The following RSPO3 variants were observed in gnomAD, a reference collection of about 807,000 sequenced individuals.
RSPO3 encodes R-spondin 3, also known as R-spondin-3.
In RSPO3, 17 loss-of-function variants were observed where a neutral mutation model predicts 36.5. That is an observed-to-expected ratio of 0.47 (90% CI 0.32 to 0.70). The LOEUF (loss-of-function observed/expected upper bound fraction) is 0.70. Ranked by LOEUF, RSPO3 falls within the 30% of genes least tolerant of loss-of-function variation. The pLI, the probability that RSPO3 is intolerant of heterozygous loss-of-function variation, is 0.04. For synonymous variants in RSPO3, 108 were observed against 107.0 expected, an observed-to-expected ratio of 1.01 and a Z score of -0.06; for missense variants, 294 against 322.5, an observed-to-expected ratio of 0.91 and a Z score of 0.68.
At chr6:127,170,161 T>C (rs1774907229) in intron 4 of RSPO3, among the ~76,000 whole-genome samples, 1 of 151,790 alleles carries the variant, frequency 6.6e-6, no homozygotes, top group African/African-American at 2.4e-5. Context: ...TGGGTCTTGC[T>C]TTCCTCCTGG....
intron 1 of RSPO3, among the ~76,000 whole-genome samples, chr6:127,138,405 C>T (rs1774204770): frequency 6.6e-6 from 1 of 152,102 alleles, no homozygotes; most frequent in African/African-American, 2.4e-5. Context: ...CACTCTATGA[C>T]TGTTAGTGAG....
intron 4 of RSPO3, among the ~76,000 whole-genome samples, chr6:127,165,398 G>C (rs1449186093): frequency 6.6e-6 from 1 of 151,970 alleles, no homozygotes; most frequent in East Asian, 1.9e-4. Context: ...CTGTTTTCCA[G>C]CCAACAGCAA....
chr6:127,139,531 TA>T lies in RSPO3; in HGVS notation c.98-9109del, dbSNP rs892501296. 2.8e-3 allele frequency among the ~76,000 whole-genome samples: 383 copies of T among 137,718 alleles called. 1 individual carries two copies. The highest frequency in any genetic ancestry group is 9.1e-3 in the African/African-American group (334 of 36,884). The allele number at this position is 137,718 out of a possible 152,430, so 90.3% of individuals were successfully genotyped here. ...GTTGATTTCTAATTATTTCTAACCT[TA>T]AAAAAAATATATCTTTTTTTTAAGG... On this transcript the variant is annotated intron_variant, in intron 1 of 4. Transcript: ENST00000356698.
At chr6:127,171,050 T>TAA (rs1774924594) in intron 4 of RSPO3, among the ~76,000 whole-genome samples, 1 of 151,646 alleles carries the variant, frequency 6.6e-6, no homozygotes, top group South Asian at 2.1e-4. Flanking sequence ...TACCCCAATT[T>TAA]AAAATAAAAT....
chr6:127,149,262 T>C (rs1172597877), intron 2 of RSPO3, among the ~76,000 whole-genome samples: 2 of 152,132 alleles, frequency 1.3e-5, no homozygotes, highest in Admixed American at 6.6e-5. Context: ...TTGGGAGTAC[T>C]GTCATCTGGA....
chr6:127,133,559 G>A (rs1337690767), intron 1 of RSPO3, among the ~76,000 whole-genome samples: 2 of 152,092 alleles, frequency 1.3e-5, no homozygotes, highest in African/African-American at 4.8e-5. Context: ...TCCTCCAACA[G>A]TAAGATCAAT....
intron 1 of RSPO3, among the ~76,000 whole-genome samples, chr6:127,139,366 C>A (rs527725771): frequency 2.0e-5 from 3 of 152,186 alleles, no homozygotes; most frequent in African/African-American, 7.2e-5. Context: ...GCACAAATAT[C>A]CAAGTTTATT....
intron 4 of RSPO3, among the ~76,000 whole-genome samples, chr6:127,159,937 C>T (rs1183258520): frequency 6.6e-6 from 1 of 152,054 alleles, no homozygotes. Flanking sequence ...GCATGAGCCA[C>T]CATGCCTGGC....
intron 4 of RSPO3, among the ~76,000 whole-genome samples, chr6:127,185,231 A>C (rs1456517099): frequency 6.6e-6 from 1 of 152,058 alleles, no homozygotes; most frequent in Non-Finnish European, 1.5e-5. Context: ...ATGGATGTTG[A>C]AAGTATTTCT....
chr6:127,193,640 C>T (rs770665003), intron 4 of RSPO3, among the ~76,000 whole-genome samples: 7 of 152,132 alleles, frequency 4.6e-5, no homozygotes, highest in Non-Finnish European at 1.0e-4. Context: ...AAGCACATAG[C>T]ATGAAAACTA....
At chr6:127,192,831 T>G (rs1775439990) in intron 4 of RSPO3, 1 of 390,968 alleles carries the variant, frequency 2.6e-6, no homozygotes, top group African/African-American at 2.2e-5. Context: ...AATGCTTAGT[T>G]TGCAAAATTG....
At chr6:127,133,855 C>G (rs549816550) in intron 1 of RSPO3, among the ~76,000 whole-genome samples, 1 of 151,962 alleles carries the variant, frequency 6.6e-6, no homozygotes, top group South Asian at 2.1e-4. Flanking sequence ...GCCAAAATTA[C>G]GAAAATGAGC....
rs1773783307 is a variant in RSPO3 at position 127,119,237 on chromosome 6, T to G, written c.45T>G (p.Phe15Leu). Reference protein sequence around the residue: ...LISWLFIILNFMEYIGSQNAS... With the variant: ...LISWLFIILNLMEYIGSQNAS... ...CTTGGCTTTTTATCATTTTGAACTT[T>G]ATGGAATACATCGGCAGCCAAAACG... Residue 15 changes from phenylalanine to leucine, a missense_variant, in exon 1 of 5, where the codon TTT becomes TTG. Phe to Leu is a conservative substitution (Grantham distance 22). Coordinates refer to ENST00000356698, the MANE Select transcript of RSPO3 (RefSeq NM_032784.5). 1 of 1,613,960 alleles carries G rather than the reference T, an allele frequency of 6.2e-7. No homozygotes were observed. Among genetic ancestry groups the G allele is most frequent in the East Asian group, 2.2e-5 (1 of 44,870 alleles).
At chr6:127,150,351 T>G in intron 2 of RSPO3, 75 bp from the exon 3 acceptor site, 1 of 1,411,948 alleles carries the variant, frequency 7.1e-7, no homozygotes, top group Non-Finnish European at 9.6e-7. Flanking sequence ...TGTGGCTGTG[T>G]CTGACACATG....
At chr6:127,160,153 T>C (rs1032729566) in intron 4 of RSPO3, among the ~76,000 whole-genome samples, 10 of 152,218 alleles carry the variant, frequency 6.6e-5, no homozygotes, top group African/African-American at 2.4e-4. Context: ...AATGGTCAAA[T>C]GTAAGCAGTT....
intron 1 of RSPO3, among the ~76,000 whole-genome samples, chr6:127,122,648 G>C (rs758257594): frequency 5.3e-5 from 8 of 152,148 alleles, no homozygotes; most frequent in Non-Finnish European, 1.0e-4. Flanking sequence ...TCATAGAGAA[G>C]ATATCAGGTT....
intron 4 of RSPO3, 126 bp from the exon 5 acceptor site, chr6:127,195,697 A>G (rs1775500100): frequency 1.6e-6 from 1 of 624,410 alleles, no homozygotes; most frequent in East Asian, 2.9e-5. Flanking sequence ...TGATTGAAAT[A>G]GTAGATATTT....
In RSPO3 at chr6:127,148,786, C is replaced by T. The variant is rs761483287; in HGVS notation, c.236C>T (p.Ser79Leu). The part of the protein sequence containing the change: ...GMKQIGVCLS[S>L]CPSGYYGTRY... ...AAGCAGATTGGAGTATGTCTCTCTTCATGTCCAAGTGGATATTATGGAACT... is the reference window on the plus strand; with the variant it reads ...AAGCAGATTGGAGTATGTCTCTCTTTATGTCCAAGTGGATATTATGGAACT... The change falls in exon 2 of 5, where the codon TCA becomes TTA. Residue 79 changes from serine (S) to leucine (L), a missense_variant. This residue lies in a region of RSPO3 where 43 missense variants were observed against 86.0 expected (regional missense o/e 0.50). Coordinates refer to ENST00000356698, the MANE Select transcript of RSPO3 (RefSeq NM_032784.5). The T allele has an allele frequency of 6.8e-6, 11 of 1,612,818 alleles. No individual in the cohort carries two copies. Among genetic ancestry groups the T allele is most frequent in the Non-Finnish European group, 9.3e-6 (11 of 1,179,250 alleles).
intron 4 of RSPO3, among the ~76,000 whole-genome samples, chr6:127,183,570 G>A (rs1775231744): frequency 6.6e-6 from 1 of 151,972 alleles, no homozygotes; most frequent in African/African-American, 2.4e-5. Context: ...TTAAGTCACA[G>A]CCATGAAATC....
Sources: gnomAD v4.1 joint callset for allele counts (sites outside exome capture counted in the v4.1 genomes callset) on GRCh38, gnomAD v4.1.1 for gene constraint, gnomAD v4.1.1 regional missense constraint, MANE v1.5 for transcripts, NCBI Gene and HGNC (gene_info 2026-07-23, HGNC 2026-07-21) for gene names.